RALGPS2: variants seen among roughly 807,000 people sequenced by gnomAD.
RALGPS2 encodes ras-specific guanine nucleotide-releasing factor RalGPS2.
A neutral mutation model predicts 86.8 loss-of-function variants in RALGPS2; 43 were observed. That is an observed-to-expected ratio of 0.50 (90% confidence interval 0.39 to 0.64). RALGPS2 has a LOEUF of 0.64. RALGPS2 is among the 30% of genes least tolerant of loss of function. The pLI, the probability that RALGPS2 is intolerant of heterozygous loss-of-function variation, is 0.00. For synonymous variants in RALGPS2, 243 were observed against 231.3 expected (o/e 1.05, Z -0.46); for missense variants, 536 against 694.6 (o/e 0.77, Z 2.57).
intron 4 of RALGPS2, among the ~76,000 whole-genome samples, chr1:178,788,034 C>G (rs1178041106): frequency 6.6e-6 from 1 of 152,120 alleles, no homozygotes; most frequent in African/African-American, 2.4e-5. Context: ...CTTTTTCTAC[C>G]TTCTGCAACC....
chr1:178,734,934 GTTGT>G (rs558513714), intron 1 of RALGPS2, among the ~76,000 whole-genome samples: 39 of 151,982 alleles, frequency 2.6e-4, no homozygotes, highest in African/African-American at 3.9e-4. Flanking sequence ...TTATTTTCTG[GTTGT>G]TTGATCTTTT....
At chr1:178,736,371 A>G (rs929137721) in intron 1 of RALGPS2, among the ~76,000 whole-genome samples, 1 of 151,956 alleles carries the variant, frequency 6.6e-6, no homozygotes, top group East Asian at 1.9e-4. Context: ...CATGTTGGCC[A>G]GGCTGGTCTT....
At chr1:178,864,705 C>T (rs1282024126) in intron 8 of RALGPS2, among the ~76,000 whole-genome samples, 2 of 152,022 alleles carry the variant, frequency 1.3e-5, no homozygotes, top group Non-Finnish European at 2.9e-5. Context: ...GCCCCTCGAT[C>T]ATAAGAATTT....
chr1:178,768,713 G>A (rs1652635308), intron 1 of RALGPS2, among the ~76,000 whole-genome samples: 1 of 152,180 alleles, frequency 6.6e-6, no homozygotes, highest in African/African-American at 2.4e-5. Flanking sequence ...GACCAAGCAG[G>A]TCCACCTACG....
intron 19 of RALGPS2, among the ~76,000 whole-genome samples, chr1:178,915,107 A>T (rs1660762665): frequency 6.6e-6 from 1 of 152,254 alleles, no homozygotes; most frequent in Non-Finnish European, 1.5e-5. Flanking sequence ...GAATTAGAAT[A>T]GTGGCAAATT....
chr1:178,797,664 T>C (rs1359257486), intron 4 of RALGPS2, among the ~76,000 whole-genome samples: 2 of 152,190 alleles, frequency 1.3e-5, no homozygotes, highest in Admixed American at 6.5e-5. Context: ...TACATAACTA[T>C]AGTACAATAT....
intron 8 of RALGPS2, among the ~76,000 whole-genome samples, chr1:178,852,508 T>A (rs1330386614): frequency 6.6e-6 from 1 of 152,186 alleles, no homozygotes; most frequent in Non-Finnish European, 1.5e-5. Context: ...ACTTTGGGAT[T>A]GCCTTATAGA....
intron 8 of RALGPS2, among the ~76,000 whole-genome samples, chr1:178,867,847 T>C (rs1347671468): frequency 6.6e-6 from 1 of 151,812 alleles, no homozygotes; most frequent in East Asian, 2.0e-4. Flanking sequence ...GTCAATGAAA[T>C]ATAACTCTTA....
chr1:178,814,017 T>C (rs948899140), intron 6 of RALGPS2, among the ~76,000 whole-genome samples: 3 of 152,202 alleles, frequency 2.0e-5, no homozygotes, highest in African/African-American at 7.2e-5. Context: ...TGGATACCCA[T>C]GCACCCACTG....
intron 8 of RALGPS2, chr1:178,850,143 C>T (rs1341488520): frequency 6.6e-6 from 1 of 152,658 alleles, no homozygotes; most frequent in Non-Finnish European, 1.5e-5. Context: ...ATCGGGAAAA[C>T]AGCCAACAGT....
At chr1:178,905,269 T>G (rs558392719) in intron 18 of RALGPS2, among the ~76,000 whole-genome samples, 1 of 152,312 alleles carries the variant, frequency 6.6e-6, no homozygotes, top group East Asian at 1.9e-4. Flanking sequence ...ATGAGAGCAT[T>G]TTCATTGGAT....
intron 17 of RALGPS2, among the ~76,000 whole-genome samples, chr1:178,901,505 A>G (rs1173717005): frequency 6.6e-6 from 1 of 152,080 alleles, no homozygotes; most frequent in Non-Finnish European, 1.5e-5. Context: ...AATTAAGAAA[A>G]GAAGTTGTAG....
At chr1:178,865,770 T>C (rs2102337657) in intron 8 of RALGPS2, 1 of 1,576,552 alleles carries the variant, frequency 6.3e-7, no homozygotes, top group Non-Finnish European at 8.6e-7. Flanking sequence ...CAGGTAAAAG[T>C]CTTCATTTTG....
intron 12 of RALGPS2, 120 bp downstream of exon 12, chr1:178,885,331 G>A: frequency 1.0e-6 from 1 of 963,074 alleles, no homozygotes. Context: ...CTTAATAGCT[G>A]TTTTCTGATT....
At chr1:178,766,295 A>C (rs570137572) in intron 1 of RALGPS2, among the ~76,000 whole-genome samples, 48 of 152,094 alleles carry the variant, frequency 3.2e-4, no homozygotes, top group African/African-American at 1.2e-3. Flanking sequence ...GTCTCAGCTC[A>C]TTGCACAACC....
At chr1:178,890,246 C>T (rs1384652330) in intron 14 of RALGPS2, among the ~76,000 whole-genome samples, 1 of 151,882 alleles carries the variant, frequency 6.6e-6, no homozygotes, top group Non-Finnish European at 1.5e-5. Context: ...TTAAATCTGT[C>T]ATCTGCCTGT....
chr1:178,788,945 A>G (rs1382784174), intron 4 of RALGPS2, among the ~76,000 whole-genome samples: 1 of 142,688 alleles, frequency 7.0e-6, no homozygotes, highest in East Asian at 2.0e-4. Flanking sequence ...TCTGTCACCC[A>G]GGCTGGAATG....
At chr1:178,889,503 G>T (rs1257314521) in intron 13 of RALGPS2, 139 bp from the exon 14 acceptor site, 10 of 634,064 alleles carry the variant, frequency 1.6e-5, no homozygotes, top group Non-Finnish European at 2.2e-5. Flanking sequence ...TTAGAATAAA[G>T]AATTAATATG....
intron 1 of RALGPS2, among the ~76,000 whole-genome samples, chr1:178,759,769 G>T (rs1199545656): frequency 6.6e-6 from 1 of 151,682 alleles, no homozygotes; most frequent in African/African-American, 2.4e-5. Flanking sequence ...TTTCATCAGT[G>T]TTTTATAATT....
Sources: allele counts gnomAD v4.1 joint callset (sites outside exome capture counted in the v4.1 genomes callset), GRCh38; gene constraint gnomAD v4.1.1; transcripts MANE v1.5; gene names NCBI Gene and HGNC (gene_info 2026-07-23, HGNC 2026-07-21).